The following PACS2 variants were observed in gnomAD, a reference collection of about 807,000 sequenced individuals.
The protein encoded by PACS2 is phosphofurin acidic cluster sorting protein 2.
A neutral mutation model predicts 113.0 loss-of-function variants in PACS2; 36 were observed. The ratio of observed to expected loss-of-function variants is 0.32; its 90% confidence interval spans 0.24 to 0.42. PACS2 has a LOEUF of 0.42. PACS2 is among the 10% of genes least tolerant of loss of function. The pLI, the probability that PACS2 is intolerant of heterozygous loss-of-function variation, is 1.00. For synonymous variants in PACS2, 589 were observed against 536.1 expected (o/e 1.10, Z -1.36); for missense variants, 1,015 against 1,239.5 (o/e 0.82, Z 2.72).
chr14:105,312,359 G>A (rs1477820669), upstream of PACS2, among the ~76,000 whole-genome samples: 2 of 152,134 alleles, frequency 1.3e-5, no homozygotes, highest in East Asian at 1.9e-4. Flanking sequence ...CACAACCTCC[G>A]GGGACCCCGG....
rs1393266808 is a variant in PACS2, at chr14:105,315,860, G to C, written c.119+823G>C. ...GAGACACGCTCTCCGGAAAAGTTCT[G>C]GTTCTAGAATAGACAGCAGGCGAGA... On this transcript the variant is annotated intron_variant, in intron 1 of 24. Coordinates refer to ENST00000447393, the MANE Select transcript of PACS2 (RefSeq NM_001100913.3). This position sits in a 1 kb window ranked among gnomAD's most constrained non-coding sequence, Gnocchi z 4.4. Among the ~76,000 whole-genome samples, 2 of 152,352 alleles carry C rather than the reference G, an allele frequency of 1.3e-5. No homozygotes were observed. The highest frequency in any genetic ancestry group is 2.4e-5 in the African/African-American group (1 of 41,576).
chr14:105,348,890 CCTGCTGCA>C lies in PACS2; in HGVS notation c.207+313_207+320del, dbSNP rs1430037948. ...CCCAAGCACCTGGAGCCAGGGCTTC[CCTGCTGCA>C]CTCAGCACCCACTTCCTGCCCACTT... On this transcript the variant is annotated intron_variant, in intron 2 of 24. Transcript: ENST00000447393. The surrounding 1 kb of genome is among the most constrained non-coding windows in gnomAD (Gnocchi z 6.4). 1.4e-5 allele frequency: 5 copies of C among 345,948 alleles called. No homozygotes were observed. The highest frequency in any genetic ancestry group is 4.7e-5 in the Admixed American group (1 of 21,304). 21.4% of individuals were successfully genotyped at this position (345,948 alleles called of 1,614,324 possible).
At chr14:105,341,696 T>A (rs587740121) in intron 1 of PACS2, among the ~76,000 whole-genome samples, 2 of 152,346 alleles carry the variant, frequency 1.3e-5, no homozygotes, top group African/African-American at 4.8e-5. Flanking sequence ...ATTCTTTTTA[T>A]TCCTTATTTT....
At position 105,315,026 on chromosome 14, in the gene PACS2, C is replaced by A; in HGVS notation, c.108C>A (p.Ser36Arg). 4 of 1,219,366 alleles carry A rather than the reference C, an allele frequency of 3.3e-6. No homozygotes were observed. The highest frequency in any genetic ancestry group is 1.9e-5 in the South Asian group (1 of 53,284). 75.5% of individuals were successfully genotyped at this position (1,219,366 alleles called of 1,614,324 possible). Residue 36 changes from serine (S) to arginine (R), a missense_variant, in exon 1 of 25, where the codon AGC becomes AGA. Around this residue, in one of 3 missense-constraint regions of PACS2, gnomAD observed 140 missense variants for 135.1 expected, o/e 1.04. Coordinates refer to ENST00000447393, the MANE Select transcript of PACS2 (RefSeq NM_001100913.3). The surrounding 1 kb of genome is among the most constrained non-coding windows in gnomAD (Gnocchi z 4.4). Reference protein sequence around the residue: ...ATWEVDGSSPSCVPRLCSLTL... With the variant: ...ATWEVDGSSPRCVPRLCSLTL... ...GGGAGGTGGACGGCTCCAGCCCCAG[C>A]TGCGTGCCCAGGTACGCGCCGCCCG...
Position 105,348,078 on chromosome 14 carries a change from C to T in PACS2, c.120-415C>T, listed in dbSNP as rs1407880731. On this transcript the variant is annotated intron_variant, in intron 1 of 24. Transcript: ENST00000447393. This position sits in a 1 kb window ranked among gnomAD's most constrained non-coding sequence, Gnocchi z 6.4. ...GTCCTGGGGTGGGCAGGATTTGGGGCGGCTGGGCCTGGGGCTGGATAGGGC... is the reference window on the plus strand; with the variant it reads ...GTCCTGGGGTGGGCAGGATTTGGGGTGGCTGGGCCTGGGGCTGGATAGGGC... 2.0e-5 allele frequency among the ~76,000 whole-genome samples: 3 copies of T among 151,968 alleles called. No individual in the cohort carries two copies. The highest frequency in any genetic ancestry group is 1.3e-4 in the Admixed American group (2 of 15,260).
In PACS2 at chr14:105,365,442, C is replaced by T. The variant is rs1483765712; in HGVS notation, c.424-1771C>T. On this transcript the variant is annotated intron_variant, in intron 4 of 24. Transcript: ENST00000447393. The surrounding 1 kb of genome is among the most constrained non-coding windows in gnomAD (Gnocchi z 5.1). ...GAGCGGGGGCTAATCAACAACCCGC[C>T]CCTGGCCCGCTGCGGGCCCAGCAGA... Among the ~76,000 whole-genome samples, 2 of 152,164 alleles carry T rather than the reference C, an allele frequency of 1.3e-5. No homozygotes were observed. The highest frequency in any genetic ancestry group is 4.8e-5 in the African/African-American group (2 of 41,456).
At chr14:105,334,657 C>T (rs1208933987) in intron 1 of PACS2, among the ~76,000 whole-genome samples, 1 of 152,304 alleles carries the variant, frequency 6.6e-6, no homozygotes, top group Middle Eastern at 3.4e-3. Flanking sequence ...TAGAGCTCCA[C>T]CTGAGGGCCA....
At chr14:105,379,646 T>C in intron 9 of PACS2, 93 bp from the exon 10 acceptor site, 1 of 1,022,860 alleles carries the variant, frequency 9.8e-7, no homozygotes. Flanking sequence ...GATTCTGCAG[T>C]CTGTCCCTCC....
chr14:105,364,373 C>CGGCGGCCCGGGGGTGTGGTGGGCGGT, intron 4 of PACS2, among the ~76,000 whole-genome samples: 1 of 133,526 alleles, frequency 7.5e-6, no homozygotes, highest in African/African-American at 3.0e-5. Context: ...GCACGGTGGG[C>CGGCGGCCCGGGGGTGTGGTGGGCGGT]GTCCCGGGTG....
chr14:105,377,370 C>T (rs1192330282), intron 9 of PACS2, among the ~76,000 whole-genome samples: 2 of 151,898 alleles, frequency 1.3e-5, no homozygotes, highest in African/African-American at 2.4e-5. Context: ...GCAGGTGTCT[C>T]TGTGGCTGGA....
chr14:105,379,145 G>C (rs1566958131), intron 9 of PACS2, among the ~76,000 whole-genome samples: 1 of 152,168 alleles, frequency 6.6e-6, no homozygotes, highest in Non-Finnish European at 1.5e-5. Flanking sequence ...GAAAGGCATG[G>C]GTGGCCTGCA....
chr14:105,393,463 C>G, intron 24 of PACS2, 128 bp downstream of exon 24: 2 of 568,294 alleles, frequency 3.5e-6, no homozygotes, highest in Non-Finnish European at 6.1e-6. Flanking sequence ...ATTCAAGGTG[C>G]AAGCACATTC....
At chr14:105,349,931 C>A (rs1433434587) in intron 2 of PACS2, among the ~76,000 whole-genome samples, 1 of 147,962 alleles carries the variant, frequency 6.8e-6, no homozygotes, top group Non-Finnish European at 1.5e-5. Context: ...TAATGCAGGA[C>A]CCCGAGAACT....
Position 105,352,401 on chromosome 14 carries a change from C to T in PACS2, c.231C>T (p.Ser77=). The change falls in exon 3 of 25, where the codon TCC becomes TCT. Residue 77 remains serine (S), a synonymous_variant. Transcript: ENST00000447393. ...AGGGCTCCAAACGAATCCTGCGGTCCCATGAGATTGTGCTGCCCCCCAGTG... is the reference window on the plus strand; with the variant it reads ...AGGGCTCCAAACGAATCCTGCGGTCTCATGAGATTGTGCTGCCCCCCAGTG... ...KMQGSKRILR[S]HEIVLPPSGQ... The T allele has an allele frequency of 6.2e-7, 1 of 1,612,420 alleles. No individual in the cohort carries two copies. Among genetic ancestry groups the T allele is most frequent in the Non-Finnish European group, 8.5e-7 (1 of 1,178,648 alleles).
intron 24 of PACS2, among the ~76,000 whole-genome samples, chr14:105,393,791 G>C (rs587736448): frequency 7.2e-5 from 11 of 151,780 alleles, no homozygotes; most frequent in Admixed American, 7.2e-4. Context: ...GGGTTTTACC[G>C]TGTTGGCCAG....
chr14:105,335,350 G>A (rs112820110), intron 1 of PACS2, among the ~76,000 whole-genome samples: 8,120 of 143,348 alleles, frequency 0.057, 1,569 homozygotes, highest in African/African-American at 0.23. Flanking sequence ...GGCGCCTGGC[G>A]TGGCTGTGAC....
At chr14:105,310,797 C>G (rs935124868), upstream of PACS2, among the ~76,000 whole-genome samples, 1 of 152,136 alleles carries the variant, frequency 6.6e-6, no homozygotes, top group African/African-American at 2.4e-5. Flanking sequence ...AAAGGAGAAA[C>G]CAAATCAATG....
At chr14:105,326,726 C>T (rs375496314) in intron 1 of PACS2, among the ~76,000 whole-genome samples, 41 of 152,322 alleles carry the variant, frequency 2.7e-4, no homozygotes, top group South Asian at 8.3e-4. Context: ...GAGCTCTGGC[C>T]GTGAAGACCC....
In PACS2 at chr14:105,379,275, C is replaced by T. The variant is rs140753042; in HGVS notation, c.960-464C>T. 5.6e-3 allele frequency among the ~76,000 whole-genome samples: 857 copies of T among 152,306 alleles called. 6 individuals carry two copies. The highest frequency in any genetic ancestry group is 6.9e-3 in the Non-Finnish European group (472 of 68,032). On this transcript the variant is annotated intron_variant, in intron 9 of 24. Coordinates refer to ENST00000447393, the MANE Select transcript of PACS2 (RefSeq NM_001100913.3). Reference sequence around the variant, plus strand: ...GGTGGTCTGATCTGCCTGGTGGGTCCGGAAGGGCCTGCTTCATCTGATGTG... The same window carrying T: ...GGTGGTCTGATCTGCCTGGTGGGTCTGGAAGGGCCTGCTTCATCTGATGTG...
Sources: gnomAD v4.1 joint callset for allele counts (sites outside exome capture counted in the v4.1 genomes callset) on GRCh38, gnomAD v4.1.1 for gene constraint, gnomAD v4.1.1 regional missense constraint, Gnocchi (gnomAD v3.1) non-coding constraint, MANE v1.5 for transcripts, NCBI Gene and HGNC (gene_info 2026-07-23, HGNC 2026-07-21) for gene names.